SCFD2: variants seen among roughly 807,000 people sequenced by gnomAD.
The protein encoded by SCFD2 is sec1 family domain-containing protein 2.
In SCFD2, 54 loss-of-function variants were observed where a neutral mutation model predicts 58.9. The ratio of observed to expected loss-of-function variants is 0.92; its 90% CI spans 0.74 to 1.15. The LOEUF (loss-of-function observed/expected upper bound fraction) is 1.15. Among genes scored for constraint, SCFD2 ranks in the 50% most tolerant of loss-of-function variants. The pLI is 0.00. For missense variants in SCFD2, 805 were observed against 836.6 expected, an observed-to-expected ratio of 0.96 and a Z score of 0.47; for synonymous variants, 321 against 335.9, an observed-to-expected ratio of 0.96 and a Z score of 0.49.
chr4:53,107,356 G>T lies in SCFD2; in HGVS notation c.1561+37977C>A, dbSNP rs189037111. Among the ~76,000 whole-genome samples the T allele has an allele frequency of 1.1e-3, 174 of 152,270 alleles. 1 individual carries two copies. Among genetic ancestry groups the T allele is most frequent in the Admixed American group, 2.0e-3 (31 of 15,294 alleles). On this transcript the variant is annotated intron_variant, in intron 5 of 8. Coordinates refer to ENST00000401642, the MANE Select transcript of SCFD2 (RefSeq NM_152540.4). ...TAACCAGCTAGCATCATAATGACAG[G>T]ATTAAATTCACACATAACGATATTA...
chr4:53,361,441 G>C lies in SCFD2; in HGVS notation c.838+3663C>G, dbSNP rs373411056. ...AGACAAGGTCTCGCTCTGTCACCCA[G>C]ACTGGAGTGCAATGGCACGATCACA... On this transcript the variant is annotated intron_variant, in intron 1 of 8. Coordinates refer to ENST00000401642, the MANE Select transcript of SCFD2 (RefSeq NM_152540.4). Among the ~76,000 whole-genome samples, 6 of 152,324 alleles carry C rather than the reference G, an allele frequency of 3.9e-5. No individual in the cohort carries two copies. In the East Asian group the frequency reaches 7.7e-4, roughly 20 times the overall value.
intron 2 of SCFD2, among the ~76,000 whole-genome samples, chr4:53,319,211 C>T (rs1422687448): frequency 6.6e-6 from 1 of 152,124 alleles, no homozygotes; most frequent in African/African-American, 2.4e-5. Flanking sequence ...ACATTAATTC[C>T]GGAAGCAGGT....
At chr4:53,033,552 CA>C (rs1722676222) in intron 5 of SCFD2, among the ~76,000 whole-genome samples, 1 of 151,692 alleles carries the variant, frequency 6.6e-6, no homozygotes, top group Non-Finnish European at 1.5e-5. Flanking sequence ...AAAAGAACAA[CA>C]AAATAGATAG....
At chr4:53,130,083 G>T (rs1205915985) in intron 5 of SCFD2, among the ~76,000 whole-genome samples, 1 of 152,004 alleles carries the variant, frequency 6.6e-6, no homozygotes, top group Non-Finnish European at 1.5e-5. Context: ...TTAGACTTGT[G>T]TCCCATAAAT....
chr4:53,290,532 A>G (rs1454912165), intron 3 of SCFD2, among the ~76,000 whole-genome samples: 1 of 152,140 alleles, frequency 6.6e-6, no homozygotes, highest in African/African-American at 2.4e-5. Context: ...GATCCGAAAT[A>G]AATAGCCTAA....
At chr4:52,904,444 G>A (rs1461960086) in intron 7 of SCFD2, among the ~76,000 whole-genome samples, 1 of 152,212 alleles carries the variant, frequency 6.6e-6, no homozygotes, top group Non-Finnish European at 1.5e-5. Context: ...ACTGTTGGTA[G>A]CTAATACACA....
intron 2 of SCFD2, among the ~76,000 whole-genome samples, chr4:53,344,505 A>G (rs1013112159): frequency 2.6e-5 from 4 of 152,160 alleles, no homozygotes; most frequent in African/African-American, 9.7e-5. Context: ...AATCAATATC[A>G]CGAAAATGGC....
chr4:53,042,782 G>A (rs773272027), intron 5 of SCFD2, among the ~76,000 whole-genome samples: 19 of 151,710 alleles, frequency 1.3e-4, no homozygotes, highest in Admixed American at 2.6e-4. Flanking sequence ...GTAACAAAAC[G>A]GAGCCTCAGA....
intron 5 of SCFD2, among the ~76,000 whole-genome samples, chr4:53,004,132 T>C (rs1370135688): frequency 6.6e-6 from 1 of 152,214 alleles, no homozygotes; most frequent in Non-Finnish European, 1.5e-5. Flanking sequence ...TGTCCATTCC[T>C]TAGCCACAAA....
At chr4:53,326,912 C>T (rs750469398) in intron 2 of SCFD2, among the ~76,000 whole-genome samples, 20 of 149,280 alleles carry the variant, frequency 1.3e-4, no homozygotes, top group Non-Finnish European at 2.2e-4. Context: ...AGTATACAGA[C>T]ATTATTTTAG....
intron 5 of SCFD2, among the ~76,000 whole-genome samples, chr4:52,954,014 T>G (rs1473679709): frequency 6.6e-6 from 1 of 152,210 alleles, no homozygotes; most frequent in East Asian, 1.9e-4. Flanking sequence ...CTTACCTTTC[T>G]GTGCCTCTGC....
At chr4:52,925,211 G>A (rs1369391878) in intron 5 of SCFD2, among the ~76,000 whole-genome samples, 1 of 151,770 alleles carries the variant, frequency 6.6e-6, no homozygotes, top group Non-Finnish European at 1.5e-5. Context: ...AGTTGGTCCT[G>A]TTAAACACTA....
intron 4 of SCFD2, among the ~76,000 whole-genome samples, chr4:53,206,093 T>C (rs1448860769): frequency 6.6e-6 from 1 of 152,142 alleles, no homozygotes; most frequent in Admixed American, 6.5e-5. Flanking sequence ...TGAGTAATTT[T>C]ATAGAGTTCA....
chr4:53,246,389 G>A (rs1333286291), intron 4 of SCFD2, among the ~76,000 whole-genome samples: 3 of 152,076 alleles, frequency 2.0e-5, no homozygotes, highest in Non-Finnish European at 2.9e-5. Context: ...GAATAGCCAA[G>A]GGAATCCTAA....
chr4:53,093,836 A>T (rs765909898), intron 5 of SCFD2, among the ~76,000 whole-genome samples: 1 of 150,964 alleles, frequency 6.6e-6, no homozygotes, highest in Non-Finnish European at 1.5e-5. Flanking sequence ...AGTCATCTCC[A>T]GGAAGAATAG....
chr4:53,040,164 C>T (rs886863065), intron 5 of SCFD2, among the ~76,000 whole-genome samples: 8 of 152,078 alleles, frequency 5.3e-5, no homozygotes, highest in African/African-American at 1.9e-4. Context: ...GTTGAATTCT[C>T]CCTCAGACCT....
intron 5 of SCFD2, among the ~76,000 whole-genome samples, chr4:52,978,304 G>A (rs1466768358): frequency 1.3e-5 from 2 of 152,188 alleles, no homozygotes; most frequent in Non-Finnish European, 2.9e-5. Context: ...GAATTCTGCA[G>A]GATGCTGGCC....
At chr4:53,330,426 GT>G (rs576885646) in intron 2 of SCFD2, among the ~76,000 whole-genome samples, 228 of 152,288 alleles carry the variant, frequency 1.5e-3, no homozygotes, top group Non-Finnish European at 2.2e-3. Flanking sequence ...CCAGAAGAGA[GT>G]GGGGGGCAAT....
chr4:53,334,251 G>C (rs1733599874), intron 2 of SCFD2, among the ~76,000 whole-genome samples: 1 of 151,900 alleles, frequency 6.6e-6, no homozygotes, highest in South Asian at 2.1e-4. Flanking sequence ...CCATTACTGG[G>C]TATATACCCA....
Sources: allele counts gnomAD v4.1 joint callset (sites outside exome capture counted in the v4.1 genomes callset), GRCh38; gene constraint gnomAD v4.1.1; transcripts MANE v1.5; gene names NCBI Gene and HGNC (gene_info 2026-07-23, HGNC 2026-07-21).